Variants in DPYSL3 observed in about 807,000 individuals in gnomAD.
The protein encoded by DPYSL3 is dihydropyrimidinase like 3.
Under a neutral mutation model 66.1 loss-of-function variants are expected in DPYSL3, and 16 were observed. The ratio of observed to expected loss-of-function variants is 0.24; its 90% CI spans 0.16 to 0.37. The LOEUF (loss-of-function observed/expected upper bound fraction) is 0.37, where lower values mean the gene tolerates loss of function less well. Ranked by LOEUF, DPYSL3 falls within the 10% of genes least tolerant of loss-of-function variation. The pLI, the probability that DPYSL3 is intolerant of heterozygous loss-of-function variation, is 1.00. For missense variants in DPYSL3, 738 were observed against 916.2 expected (o/e 0.81, Z 2.51); for synonymous variants, 338 against 345.1 (o/e 0.98, Z 0.23).
At chr5:147,412,110 C>T (rs1751866584) in intron 6 of DPYSL3, among the ~76,000 whole-genome samples, 1 of 152,206 alleles carries the variant, frequency 6.6e-6, no homozygotes, top group Admixed American at 6.5e-5. Context: ...GTCACTCTTT[C>T]CTCAAGTTTC....
In DPYSL3 at chr5:147,464,153, C is replaced by A. The variant is rs78254044; in HGVS notation, c.382-39190G>T. On this transcript the variant is annotated intron_variant, in intron 1 of 13. Coordinates refer to ENST00000343218, the MANE Select transcript of DPYSL3 (RefSeq NM_001197294.2). Reference sequence around the variant, plus strand: ...GCCTATTGAAGGGACAACTGAAGTGCCAATTCAGAGAGGAGTCTGTGCAAG... The same window carrying A: ...GCCTATTGAAGGGACAACTGAAGTGACAATTCAGAGAGGAGTCTGTGCAAG... 8.1e-3 allele frequency among the ~76,000 whole-genome samples: 1,236 copies of A among 152,236 alleles called. 33 individuals are homozygous for A. The East Asian group carries it at 0.11, about 13-fold the overall frequency.
At chr5:147,405,528 T>C (rs974894967) in intron 8 of DPYSL3, 82 bp downstream of exon 8, 2 of 1,484,304 alleles carry the variant, frequency 1.3e-6, no homozygotes, top group African/African-American at 1.4e-5. Flanking sequence ...GTAGGCACCA[T>C]TTATATTACA....
chr5:147,447,308 T>G (rs1194626428), intron 1 of DPYSL3, among the ~76,000 whole-genome samples: 1 of 152,182 alleles, frequency 6.6e-6, no homozygotes, highest in Admixed American at 6.5e-5. Context: ...GAGGCCAAAT[T>G]GAGAGGTTCA....
chr5:147,415,594 A>T, intron 4 of DPYSL3, 115 bp downstream of exon 4: 1 of 1,274,364 alleles, frequency 7.8e-7, no homozygotes, highest in Non-Finnish European at 1.1e-6. Flanking sequence ...TCCAGTGCTC[A>T]CACTCAAGGT....
At chr5:147,404,663 C>T (rs1291419999) in intron 8 of DPYSL3, among the ~76,000 whole-genome samples, 2 of 152,142 alleles carry the variant, frequency 1.3e-5, no homozygotes, top group Admixed American at 6.5e-5. Context: ...AGGATGAGAA[C>T]CAGAAACAGA....
chr5:147,508,454 G>A (rs1181406025), intron 1 of DPYSL3, among the ~76,000 whole-genome samples: 1 of 152,164 alleles, frequency 6.6e-6, no homozygotes, highest in African/African-American at 2.4e-5. Context: ...CATGCGGATG[G>A]ATTTTGCGGC....
At chr5:147,425,036 C>T (rs1752169667) in intron 1 of DPYSL3, 73 bp from the exon 2 acceptor site, 2 of 1,206,782 alleles carry the variant, frequency 1.7e-6, no homozygotes, top group African/African-American at 1.5e-5. Context: ...CAAGGTTTTC[C>T]CAATTCATTG....
At chr5:147,405,872 C>G in intron 7 of DPYSL3, 142 bp from the exon 8 acceptor site, 1 of 1,074,428 alleles carries the variant, frequency 9.3e-7, no homozygotes, top group East Asian at 2.4e-5. Flanking sequence ...TAGCCTATAT[C>G]CACATCTCAG....
At chr5:147,500,094 C>A (rs1324472191) in intron 1 of DPYSL3, among the ~76,000 whole-genome samples, 3 of 152,024 alleles carry the variant, frequency 2.0e-5, no homozygotes, top group Admixed American at 6.5e-5. Context: ...TAGAAAATAA[C>A]ACAGATGACC....
At chr5:147,478,714 A>G (rs1471783443) in intron 1 of DPYSL3, among the ~76,000 whole-genome samples, 1 of 152,138 alleles carries the variant, frequency 6.6e-6, no homozygotes, top group Non-Finnish European at 1.5e-5. Context: ...ATATTTTGCC[A>G]GGCTATCTCA....
At chr5:147,446,460 T>C (rs1475617830) in intron 1 of DPYSL3, among the ~76,000 whole-genome samples, 4 of 152,248 alleles carry the variant, frequency 2.6e-5, no homozygotes, top group Non-Finnish European at 5.9e-5. Context: ...AAAGAAATAG[T>C]AATTAGGCCA....
chr5:147,396,329 A>G (rs565050763), intron 12 of DPYSL3, among the ~76,000 whole-genome samples: 3 of 152,328 alleles, frequency 2.0e-5, no homozygotes, highest in African/African-American at 4.8e-5. Flanking sequence ...CACCCAGCAC[A>G]TGCTCTGCTA....
intron 1 of DPYSL3, among the ~76,000 whole-genome samples, chr5:147,458,662 A>G (rs767106757): frequency 2.0e-4 from 30 of 152,188 alleles, no homozygotes; most frequent in Non-Finnish European, 4.0e-4. Context: ...AACGGTGACC[A>G]TAAATTTAAA....
At position 147,418,483 on chromosome 5, in the gene DPYSL3, T is replaced by C; in HGVS notation, c.619A>G (p.Thr207Ala). The change falls in exon 3 of 14, where the codon ACA becomes GCA. Residue 207 changes from threonine (T) to alanine (A), a missense_variant. Coordinates refer to ENST00000343218, the MANE Select transcript of DPYSL3 (RefSeq NM_001197294.2). ...MTTVDDFFQG[T>A]KAALAGGTTM... ...GTGCCACCTGCTAAGGCCGCCTTTG[T>C]CCCTTGGAAGAAGTCATCTACTGTG... is the stretch of plus-strand genomic sequence containing the variant. 6.2e-7 allele frequency: 1 copy of C among 1,612,838 alleles called. No homozygotes were observed. The highest frequency in any genetic ancestry group is 8.5e-7 in the Non-Finnish European group (1 of 1,179,372).
At chr5:147,418,397 T>A in intron 3 of DPYSL3, 50 bp downstream of exon 3, 17 of 1,516,814 alleles carry the variant, frequency 1.1e-5, no homozygotes, top group Non-Finnish European at 1.5e-5. Flanking sequence ...AACACATTCA[T>A]TAAACACACA....
chr5:147,431,145 AG>A (rs1458175885), intron 1 of DPYSL3, among the ~76,000 whole-genome samples: 1 of 152,230 alleles, frequency 6.6e-6, no homozygotes, highest in Non-Finnish European at 1.5e-5. Context: ...CAGGATGGAT[AG>A]ACTGCATGGA....
At chr5:147,467,108 G>T (rs1753021539) in intron 1 of DPYSL3, among the ~76,000 whole-genome samples, 1 of 152,046 alleles carries the variant, frequency 6.6e-6, no homozygotes, top group Non-Finnish European at 1.5e-5. Flanking sequence ...AGTTTAAAGG[G>T]CCAGGCACTT....
chr5:147,466,530 C>T lies in DPYSL3; in HGVS notation c.382-41567G>A, dbSNP rs192396810. ...TAAAAGCCTGTCTGAGAACATGCGC[C>T]GGAGCTGCTGAATCTTCAGTTAAGT... is the stretch of plus-strand genomic sequence containing the variant. On this transcript the variant is annotated intron_variant, in intron 1 of 13. Coordinates refer to ENST00000343218, the MANE Select transcript of DPYSL3 (RefSeq NM_001197294.2). Among the ~76,000 whole-genome samples the T allele has an allele frequency of 5.0e-4, 76 of 152,260 alleles. No homozygotes were observed. The Middle Eastern group carries it at 0.01, about 20-fold the overall frequency.
At position 147,401,939 on chromosome 5, in the gene DPYSL3, TTTTGAGGCAAATTAAAA is replaced by T. The variant is rs140330850; in HGVS notation, c.1154-260_1154-244del. The T allele has an allele frequency of 9.2e-3, 3,590 of 389,378 alleles. 114 individuals carry two copies. The highest frequency in any genetic ancestry group is 0.069 in the African/African-American group (3,243 of 47,338). The allele number at this position is 389,378 out of a possible 1,614,324, so 24.1% of individuals were successfully genotyped here. On this transcript the variant is annotated intron_variant, in intron 8 of 13. Transcript: ENST00000343218. ...GTTAGATGCAGTGTTAATTCTCAAA[TTTTGAGGCAAATTAAAA>T]TTTGAGGCAAAAGAAAATAAAATAT...
Sources: allele counts gnomAD v4.1 joint callset (sites outside exome capture counted in the v4.1 genomes callset), GRCh38; gene constraint gnomAD v4.1.1; transcripts MANE v1.5; gene names NCBI Gene and HGNC (gene_info 2026-07-23, HGNC 2026-07-21).